The following MVB12B variants were observed in gnomAD, a reference collection of about 807,000 sequenced individuals.
MVB12B encodes the protein ESCRT-I complex subunit MVB12B.
A neutral mutation model predicts 41.6 loss-of-function variants in MVB12B; 16 were observed. That is an observed-to-expected ratio of 0.38 (90% confidence interval 0.26 to 0.58). The LOEUF is 0.58. Among genes scored for constraint, MVB12B ranks in the 20% least tolerant of loss-of-function variants. The pLI, the probability that MVB12B is intolerant of heterozygous loss-of-function variation, is 0.62. For synonymous variants in MVB12B, 133 were observed against 139.7 expected (o/e 0.95, Z 0.34); for missense variants, 274 against 380.2 (o/e 0.72, Z 2.32).
At chr9:126,494,656 G>A (rs976047107) in intron 9 of MVB12B, among the ~76,000 whole-genome samples, 5 of 152,192 alleles carry the variant, frequency 3.3e-5, no homozygotes, top group Non-Finnish European at 7.3e-5. Flanking sequence ...TGGCATGTAT[G>A]TAAAAATAAG....
chr9:126,336,675 G>A (rs964935300), intron 1 of MVB12B, among the ~76,000 whole-genome samples: 4 of 152,004 alleles, frequency 2.6e-5, no homozygotes, highest in Non-Finnish European at 4.4e-5. Flanking sequence ...CTTCTAGCTT[G>A]GAAAACACTT....
At chr9:126,345,684 A>C (rs775646087) in intron 2 of MVB12B, among the ~76,000 whole-genome samples, 2 of 152,182 alleles carry the variant, frequency 1.3e-5, no homozygotes, top group South Asian at 2.1e-4. Flanking sequence ...TTACAGTCTT[A>C]CTTCCTTCTG....
At chr9:126,483,116 C>T (rs1468800193) in intron 8 of MVB12B, among the ~76,000 whole-genome samples, 2 of 152,200 alleles carry the variant, frequency 1.3e-5, no homozygotes, top group Non-Finnish European at 2.9e-5. Flanking sequence ...TGTCGAAGGC[C>T]CTCAGGTTTA....
intron 7 of MVB12B, among the ~76,000 whole-genome samples, chr9:126,441,206 G>A (rs1832631895): frequency 6.6e-6 from 1 of 152,180 alleles, no homozygotes; most frequent in South Asian, 2.1e-4. Context: ...TCCCATTGTG[G>A]CTGAACCATT....
chr9:126,407,441 T>G (rs1474434472), intron 6 of MVB12B, among the ~76,000 whole-genome samples: 1 of 152,210 alleles, frequency 6.6e-6, no homozygotes, highest in African/African-American at 2.4e-5. Flanking sequence ...CGTTCACTCT[T>G]CATACTTCTT....
chr9:126,370,053 A>G (rs1830292566), intron 2 of MVB12B, among the ~76,000 whole-genome samples: 1 of 152,202 alleles, frequency 6.6e-6, no homozygotes, highest in Admixed American at 6.5e-5. Context: ...TATTCCATGA[A>G]TATACTATAA....
At chr9:126,356,207 G>A (rs574508004) in intron 2 of MVB12B, among the ~76,000 whole-genome samples, 79 of 152,166 alleles carry the variant, frequency 5.2e-4, no homozygotes, top group Middle Eastern at 6.8e-3. Context: ...GATTCAACTC[G>A]TCAAATTGCA....
chr9:126,356,206 C>A (rs78712219), intron 2 of MVB12B, among the ~76,000 whole-genome samples: 1 of 152,244 alleles, frequency 6.6e-6, no homozygotes, highest in Admixed American at 6.5e-5. Flanking sequence ...AGATTCAACT[C>A]GTCAAATTGC....
chr9:126,416,440 C>T (rs996227283), intron 6 of MVB12B, among the ~76,000 whole-genome samples: 5 of 152,160 alleles, frequency 3.3e-5, no homozygotes, highest in Admixed American at 2.0e-4. Context: ...GGTGTGCGAT[C>T]GGGCCATTGG....
rs1301433165 is a variant in MVB12B, at chr9:126,468,263, G to A, written c.758-13106G>A. 1.3e-5 allele frequency among the ~76,000 whole-genome samples: 2 copies of A among 151,740 alleles called. No homozygotes were observed. The highest frequency in any genetic ancestry group is 2.9e-5 in the Non-Finnish European group (2 of 67,946). ...CTTCCAAACTCACCCTCACATCCCC[G>A]CCCGCCAGGCCTCATTTCTGGATCT... On this transcript the variant is annotated intron_variant, in intron 7 of 9. Coordinates refer to ENST00000361171, the MANE Select transcript of MVB12B (RefSeq NM_033446.3). The surrounding 1 kb of genome is among the most constrained non-coding windows in gnomAD (Gnocchi z 4.3).
At position 126,384,088 on chromosome 9, in the gene MVB12B, G is replaced by C. The variant is rs1830705511; in HGVS notation, c.313-2474G>C. ...CAGAAAGCAGTGATGACATGGAAAA[G>C]CAACTGCCATGAAAAAAAATTATGA... On this transcript the variant is annotated intron_variant, in intron 3 of 9. Transcript: ENST00000361171. 2.6e-5 allele frequency among the ~76,000 whole-genome samples: 4 copies of C among 152,122 alleles called. No individual in the cohort carries two copies. In the South Asian group the frequency reaches 8.3e-4, roughly 32 times the overall value.
intron 7 of MVB12B, among the ~76,000 whole-genome samples, chr9:126,434,076 G>C (rs1832402300): frequency 6.6e-6 from 1 of 152,142 alleles, no homozygotes; most frequent in Admixed American, 6.5e-5. Context: ...CTGACATTAG[G>C]ACAAAAGAAA....
chr9:126,373,699 C>T (rs1588117668), intron 2 of MVB12B, among the ~76,000 whole-genome samples: 1 of 152,160 alleles, frequency 6.6e-6, no homozygotes, highest in African/African-American at 2.4e-5. Flanking sequence ...TTGACTGCGC[C>T]GCTCCTCTTT....
In MVB12B at chr9:126,459,682, G is replaced by C. The variant is rs979438290; in HGVS notation, c.758-21687G>C. 1.3e-5 allele frequency among the ~76,000 whole-genome samples: 2 copies of C among 152,154 alleles called. No homozygotes were observed. The highest frequency in any genetic ancestry group is 2.9e-5 in the Non-Finnish European group (2 of 68,022). On this transcript the variant is annotated intron_variant, in intron 7 of 9. Coordinates refer to ENST00000361171, the MANE Select transcript of MVB12B (RefSeq NM_033446.3). This position sits in a 1 kb window ranked among gnomAD's most constrained non-coding sequence, Gnocchi z 4.3. ...GGGTTTGAGAGTTTTGGAGCAGAAGGATGCCTCTTCTGGATGTGGGGCAGC... is the reference window on the plus strand; with the variant it reads ...GGGTTTGAGAGTTTTGGAGCAGAAGCATGCCTCTTCTGGATGTGGGGCAGC...
chr9:126,431,194 A>G (rs1353577188), intron 7 of MVB12B, among the ~76,000 whole-genome samples: 1 of 152,208 alleles, frequency 6.6e-6, no homozygotes, highest in African/African-American at 2.4e-5. Context: ...CAGTCCAGAG[A>G]AACTTGCAAT....
chr9:126,364,813 G>C (rs1018831161), intron 2 of MVB12B, among the ~76,000 whole-genome samples: 25 of 152,020 alleles, frequency 1.6e-4, no homozygotes, highest in Non-Finnish European at 7.4e-5. Context: ...GTGCAGTGGC[G>C]CAATCTCCAC....
rs560434435 is a variant in MVB12B at position 126,446,530 on chromosome 9, T to A, written c.757+24582T>A. Among the ~76,000 whole-genome samples the A allele has an allele frequency of 5.4e-4, 67 of 124,482 alleles. 1 individual carries two copies. The East Asian group carries it at 0.012, about 22-fold the overall frequency. The allele number at this position is 124,482 out of a possible 152,430, so 81.7% of individuals were successfully genotyped here. ...GAACACCAAAAAAAAAAAAAAAAAA[T>A]CCTGTCTGAACTATGTGGACCTGGA... On this transcript the variant is annotated intron_variant, in intron 7 of 9. Transcript: ENST00000361171.
At position 126,486,634 on chromosome 9, in the gene MVB12B, G is replaced by A. The variant is rs1341535031; in HGVS notation, c.873+2602G>A. ...TGCCTGTGGGCCTAATGGTGGCACC[G>A]TTTAAGCACCTGCTGTGTGCTCAGC... is the stretch of plus-strand genomic sequence containing the variant. On this transcript the variant is annotated intron_variant, in intron 9 of 9. Coordinates refer to ENST00000361171, the MANE Select transcript of MVB12B (RefSeq NM_033446.3). This position sits in a 1 kb window ranked among gnomAD's most constrained non-coding sequence, Gnocchi z 4.7. Among the ~76,000 whole-genome samples the A allele has an allele frequency of 3.3e-5, 5 of 152,222 alleles. No homozygotes were observed. Among genetic ancestry groups the A allele is most frequent in the South Asian group, 2.1e-4 (1 of 4,834 alleles).
intron 9 of MVB12B, among the ~76,000 whole-genome samples, chr9:126,500,422 A>C (rs185033139): frequency 6.6e-6 from 1 of 150,474 alleles, no homozygotes; most frequent in Non-Finnish European, 1.5e-5. Context: ...CTTTCTGCAC[A>C]GCGTGTGGTC....
Sources: allele counts gnomAD v4.1 joint callset (sites outside exome capture counted in the v4.1 genomes callset), GRCh38; gene constraint gnomAD v4.1.1; non-coding constraint Gnocchi (gnomAD v3.1); transcripts MANE v1.5; gene names NCBI Gene and HGNC (gene_info 2026-07-23, HGNC 2026-07-21).